SMARCA5: variants seen among roughly 807,000 people sequenced by gnomAD.
The protein encoded by SMARCA5 is SNF2 related chromatin remodeling ATPase 5.
In SMARCA5, 18 loss-of-function variants were observed where a neutral mutation model predicts 140.4. That is an observed-to-expected ratio of 0.13 (90% CI 0.09 to 0.19). The LOEUF (loss-of-function observed/expected upper bound fraction) is 0.19, where lower values mean the gene tolerates loss of function less well. Ranked by LOEUF, SMARCA5 falls within the 10% of genes least tolerant of loss-of-function variation. The pLI, the probability that SMARCA5 is intolerant of heterozygous loss-of-function variation, is 1.00. For missense variants in SMARCA5, 606 were observed against 1,276.8 expected (o/e 0.47, Z 8.01); for synonymous variants, 449 against 419.6 (o/e 1.07, Z -0.86).
At position 143,536,183 on chromosome 4, in the gene SMARCA5, TC is replaced by T. The variant is rs1339863224; in HGVS notation, c.1269-268del. Among the ~76,000 whole-genome samples, 7 of 152,310 alleles carry T rather than the reference TC, an allele frequency of 4.6e-5. No individual in the cohort carries two copies. In the East Asian group the frequency reaches 1.3e-3, roughly 29 times the overall value. ...AAATATTATGTCTTACTGCTGTAAT[TC>T]TACCCAAGGGAACTGTTTTTGTACT... On this transcript the variant is annotated intron_variant, in intron 10 of 23. Coordinates refer to ENST00000283131, the MANE Select transcript of SMARCA5 (RefSeq NM_003601.4).
chr4:143,533,719 G>A (rs1206482724), intron 9 of SMARCA5, among the ~76,000 whole-genome samples: 1 of 152,050 alleles, frequency 6.6e-6, no homozygotes, highest in Admixed American at 6.6e-5. Context: ...ATGTTAGCCA[G>A]GATGGTCTCG....
chr4:143,514,719 C>T (rs1167255341), intron 1 of SMARCA5: 1 of 152,372 alleles, frequency 6.6e-6, no homozygotes, highest in Non-Finnish European at 1.5e-5. Context: ...CACTATTCCA[C>T]TGGAAGGGAA....
At chr4:143,514,205 C>T (rs537845964) in intron 1 of SMARCA5, 104 bp downstream of exon 1, 482 of 1,056,644 alleles carry the variant, frequency 4.6e-4, no homozygotes, top group Middle Eastern at 1.5e-3. Context: ...TCTCTCTCTG[C>T]ACCAGACTCA....
intron 8 of SMARCA5, among the ~76,000 whole-genome samples, chr4:143,529,520 G>T (rs1049403951): frequency 6.6e-5 from 10 of 152,170 alleles, no homozygotes; most frequent in African/African-American, 2.4e-4. Flanking sequence ...TATAGTCATA[G>T]AAAGGATAGT....
At position 143,555,065 on chromosome 4, in the gene SMARCA5, T is replaced by C; in HGVS notation, c.*1881T>C. 1.7e-6 allele frequency: 1 copy of C among 591,044 alleles called. No individual in the cohort carries two copies. The highest frequency in any genetic ancestry group is 3.2e-6 in the Non-Finnish European group (1 of 315,760). The allele number at this position is 591,044 out of a possible 1,614,324, so 36.6% of individuals were successfully genotyped here. On this transcript the variant is annotated 3_prime_UTR_variant, in exon 24 of 24. Transcript: ENST00000283131. The stretch of plus-strand genomic sequence containing the variant: ...CTGGCTTTCCTCTCCCGCTAAGCTT[T>C]TGTTTCCTGGCAGTAATTAAAATCT...
chr4:143,527,317 A>G (rs961791628), intron 6 of SMARCA5, among the ~76,000 whole-genome samples: 2 of 152,124 alleles, frequency 1.3e-5, no homozygotes, highest in African/African-American at 4.8e-5. Flanking sequence ...TGATAAGTCT[A>G]TATTTTTCTC....
In SMARCA5 at chr4:143,538,590, G is replaced by A. The variant is rs756600968; in HGVS notation, c.1496G>A (p.Gly499Asp). ...DKLLPKLKEQ[G>D]SRVLIFSQMT... ...AATAGATTGTTATATTCCCCAACAG[G>A]TTCACGAGTACTAATCTTCAGTCAA... The change falls in exon 12 of 24, where the codon GGT (glycine) becomes GAT (aspartate). Residue 499 changes from glycine to aspartate, a missense_variant and splice_region_variant. Transcript: ENST00000283131. 1 of 1,612,466 alleles carries A rather than the reference G, an allele frequency of 6.2e-7. No individual in the cohort carries two copies. Among genetic ancestry groups the A allele is most frequent in the East Asian group, 2.2e-5 (1 of 44,852 alleles).
At chr4:143,525,580 T>C (rs780493791) in intron 5 of SMARCA5, 29 bp downstream of exon 5, 1 of 1,379,522 alleles carries the variant, frequency 7.2e-7, no homozygotes. Flanking sequence ...TTTTGAAGGG[T>C]ATGTTTTGTA....
intron 3 of SMARCA5, among the ~76,000 whole-genome samples, chr4:143,523,924 A>T (rs1379628182): frequency 6.6e-6 from 1 of 152,144 alleles, no homozygotes; most frequent in Non-Finnish European, 1.5e-5. Context: ...GTATTTAAAA[A>T]TTTTTTTGAT....
chr4:143,541,495 A>G (rs1188438263), intron 14 of SMARCA5, among the ~76,000 whole-genome samples: 1 of 152,148 alleles, frequency 6.6e-6, no homozygotes, highest in Non-Finnish European at 1.5e-5. Flanking sequence ...ATTTTTACAA[A>G]TCGTTTCCCT....
At chr4:143,525,005 A>G (rs745969874) in intron 4 of SMARCA5, among the ~76,000 whole-genome samples, 28 of 151,988 alleles carry the variant, frequency 1.8e-4, no homozygotes, top group Middle Eastern at 6.8e-3. Flanking sequence ...ATTGGAATGT[A>G]TAAGATATAT....
At chr4:143,517,595 C>G (rs780944394) in intron 2 of SMARCA5, among the ~76,000 whole-genome samples, 166 bp downstream of exon 2, 50 of 152,130 alleles carry the variant, frequency 3.3e-4, no homozygotes, top group Admixed American at 2.6e-3. Context: ...GCTGGCAAGT[C>G]CAAGGTCAAG....
At position 143,555,509 on chromosome 4, in the gene SMARCA5, G is replaced by A; in HGVS notation, c.*2325G>A. On this transcript the variant is annotated 3_prime_UTR_variant, in exon 24 of 24. Transcript: ENST00000283131. ...GTTTCAGTGTAGATTGTTTTGTTTT[G>A]TACCCATGCTGTTGATTGCTAAATG... 2.3e-6 allele frequency: 1 copy of A among 439,068 alleles called. No homozygotes were observed. Among genetic ancestry groups the A allele is most frequent in the Middle Eastern group, 6.8e-4 (1 of 1,466 alleles). The allele number at this position is 439,068 out of a possible 1,614,324, so 27.2% of individuals were successfully genotyped here. A position where few individuals can be genotyped will look rare whatever the true frequency, so the allele number is the denominator to read the frequency against.
At chr4:143,550,212 T>G in intron 23 of SMARCA5, 108 bp downstream of exon 23, 27 of 409,506 alleles carry the variant, frequency 6.6e-5, no homozygotes, top group Non-Finnish European at 9.1e-5. Context: ...TGTGCACCCC[T>G]CCATTGCCTT....
chr4:143,532,981 A>G (rs1737226171), intron 9 of SMARCA5, among the ~76,000 whole-genome samples: 1 of 152,140 alleles, frequency 6.6e-6, no homozygotes, highest in Admixed American at 6.5e-5. Context: ...TGTTGCTGGT[A>G]TTTTTCCCAC....
intron 10 of SMARCA5, 79 bp from the exon 11 acceptor site, chr4:143,536,373 A>G (rs911146919): frequency 1.1e-6 from 1 of 916,758 alleles, no homozygotes; most frequent in Admixed American, 1.9e-5. Context: ...TCATGTGGGG[A>G]AGGGGATTAA....
chr4:143,546,065 T>A lies in SMARCA5; in HGVS notation c.2520+18T>A, dbSNP rs760077914. The A allele has an allele frequency of 1.2e-5, 19 of 1,557,962 alleles. No individual in the cohort carries two copies. Among genetic ancestry groups the A allele is most frequent in the Non-Finnish European group, 1.6e-5 (18 of 1,157,502 alleles). On this transcript the variant is annotated intron_variant, in intron 19 of 23. Transcript: ENST00000283131. ...TAACACAGGTATAGCCTTTAATCAG[T>A]ACAAACTTTAGTAACAGTTTGTTGT... is the stretch of plus-strand genomic sequence containing the variant.
At position 143,513,716 on chromosome 4, in the gene SMARCA5, G is replaced by C; in HGVS notation, c.-209G>C. On this transcript the variant is annotated 5_prime_UTR_variant, in exon 1 of 24. Coordinates refer to ENST00000283131, the MANE Select transcript of SMARCA5 (RefSeq NM_003601.4). ...GTGAGGTAAGCGCCGGTGGAACCTA[G>C]AGCCCCGCGGAAGAGCAGAACGTTT... 1 of 589,036 alleles carries C rather than the reference G, an allele frequency of 1.7e-6. No individual in the cohort carries two copies. The highest frequency in any genetic ancestry group is 2.9e-6 in the Non-Finnish European group (1 of 342,470). The allele number at this position is 589,036 out of a possible 1,614,324, so 36.5% of individuals were successfully genotyped here.
At chr4:143,545,740 G>A (rs1737512000) in intron 18 of SMARCA5, among the ~76,000 whole-genome samples, 157 bp downstream of exon 18, 1 of 152,044 alleles carries the variant, frequency 6.6e-6, no homozygotes, top group African/African-American at 2.4e-5. Flanking sequence ...ACTTGGGTCT[G>A]TTTTTCTTTA....
Sources: allele counts gnomAD v4.1 joint callset (sites outside exome capture counted in the v4.1 genomes callset), GRCh38; gene constraint gnomAD v4.1.1; transcripts MANE v1.5; gene names NCBI Gene and HGNC (gene_info 2026-07-23, HGNC 2026-07-21).